LRBA: variants seen among roughly 807,000 people sequenced by gnomAD.
The protein encoded by LRBA is lipopolysaccharide-responsive and beige-like anchor protein.
LRBA carries 176 observed loss-of-function variants against 330.0 expected under a neutral mutation model. That is an observed-to-expected ratio of 0.53 (90% CI 0.47 to 0.60). The LOEUF is 0.60. Ranked by LOEUF, LRBA falls within the 20% of genes least tolerant of loss-of-function variation. The pLI is 0.00. For synonymous variants in LRBA, 1,230 were observed against 1,193.0 expected, an observed-to-expected ratio of 1.03 and a Z score of -0.64; for missense variants, 3,259 against 3,444.8, an observed-to-expected ratio of 0.95 and a Z score of 1.35.
intron 2 of LRBA, among the ~76,000 whole-genome samples, chr4:150,992,880 T>C (rs1205825335): frequency 6.6e-6 from 1 of 152,226 alleles, no homozygotes; most frequent in African/African-American, 2.4e-5. Context: ...TATTATGACT[T>C]ATCTACTTGA....
intron 37 of LRBA, among the ~76,000 whole-genome samples, chr4:150,601,541 A>T (rs910724451): frequency 2.0e-5 from 3 of 152,172 alleles, no homozygotes; most frequent in Non-Finnish European, 4.4e-5. Flanking sequence ...ACTAAAAAAA[A>T]TGGTCAAAAT....
At chr4:150,651,859 T>C (rs528166879) in intron 37 of LRBA, among the ~76,000 whole-genome samples, 10 of 152,204 alleles carry the variant, frequency 6.6e-5, no homozygotes, top group South Asian at 4.1e-4. Context: ...TCCCACCTGA[T>C]TGATGATTGA....
intron 46 of LRBA, among the ~76,000 whole-genome samples, chr4:150,434,879 G>A (rs561877667): frequency 1.8e-4 from 27 of 151,778 alleles, no homozygotes; most frequent in Non-Finnish European, 2.7e-4. Context: ...AAAAGAGTTC[G>A]GAATCCCATT....
chr4:150,866,427 T>C (rs1328038216), intron 22 of LRBA, among the ~76,000 whole-genome samples: 1 of 152,178 alleles, frequency 6.6e-6, no homozygotes, highest in Non-Finnish European at 1.5e-5. Context: ...CAGATCAAGA[T>C]TATGGTGATG....
Position 150,743,654 on chromosome 4 carries a change from G to A in LRBA, c.5646-8288C>T, listed in dbSNP as rs55768818. Among the ~76,000 whole-genome samples, 243 of 152,280 alleles carry A rather than the reference G, an allele frequency of 1.6e-3. 1 individual carries two copies. Among genetic ancestry groups the A allele is most frequent in the Admixed American group, 3.6e-3 (55 of 15,282 alleles). ...AGCACAACTAGGCCCATTTGTTTAA[G>A]TGTTATCCATGGCTGTTTTCAACTC... is the stretch of plus-strand genomic sequence containing the variant. On this transcript the variant is annotated intron_variant, in intron 35 of 56. Coordinates refer to ENST00000651943, the MANE Select transcript of LRBA (RefSeq NM_001364905.1).
At chr4:150,911,889 AT>A (rs1213999596) in intron 9 of LRBA, among the ~76,000 whole-genome samples, 1 of 152,004 alleles carries the variant, frequency 6.6e-6, no homozygotes, top group African/African-American at 2.4e-5. Context: ...GTCTTTTCGG[AT>A]TTTTTAAATT....
chr4:150,273,916 C>T (rs1746445205), intron 56 of LRBA, among the ~76,000 whole-genome samples: 1 of 152,130 alleles, frequency 6.6e-6, no homozygotes, highest in African/African-American at 2.4e-5. Flanking sequence ...AAAGCAACAA[C>T]AAGGATATTC....
At chr4:150,363,738 AT>A (rs1739048229) in intron 47 of LRBA, among the ~76,000 whole-genome samples, 1 of 152,216 alleles carries the variant, frequency 6.6e-6, no homozygotes, top group African/African-American at 2.4e-5. Flanking sequence ...CAGTCTTCCA[AT>A]TTTGTGATCA....
intron 17 of LRBA, among the ~76,000 whole-genome samples, chr4:150,891,825 A>T (rs1364955537): frequency 6.6e-6 from 1 of 152,254 alleles, no homozygotes; most frequent in Non-Finnish European, 1.5e-5. Context: ...GAGAATGAAC[A>T]TTAAAAAATA....
At chr4:150,472,864 A>G (rs1359675359) in intron 42 of LRBA, among the ~76,000 whole-genome samples, 1 of 152,182 alleles carries the variant, frequency 6.6e-6, no homozygotes, top group African/African-American at 2.4e-5. Flanking sequence ...CACTGTATAT[A>G]GAATACAGCA....
intron 40 of LRBA, among the ~76,000 whole-genome samples, chr4:150,520,129 AT>A (rs1762767945): frequency 6.6e-6 from 1 of 152,210 alleles, no homozygotes; most frequent in African/African-American, 2.4e-5. Flanking sequence ...TTGCCTAATC[AT>A]TTTGTTAATA....
intron 36 of LRBA, among the ~76,000 whole-genome samples, chr4:150,687,724 A>G (rs1191499755): frequency 2.0e-5 from 3 of 152,170 alleles, no homozygotes; most frequent in Non-Finnish European, 4.4e-5. Flanking sequence ...AAATGAATAG[A>G]GACAATATTT....
At chr4:150,518,340 G>C (rs1762577168) in intron 40 of LRBA, among the ~76,000 whole-genome samples, 1 of 152,158 alleles carries the variant, frequency 6.6e-6, no homozygotes, top group Admixed American at 6.5e-5. Context: ...ATGCTACTCA[G>C]AATGGTGCAC....
At chr4:150,489,042 ATATAT>A (rs1280656376) in intron 41 of LRBA, among the ~76,000 whole-genome samples, 9 of 111,892 alleles carry the variant, frequency 8.0e-5, no homozygotes, top group African/African-American at 2.9e-4. Context: ...ATTATATATA[ATATAT>A]TATATATAAG....
intron 9 of LRBA, among the ~76,000 whole-genome samples, chr4:150,909,696 T>G (rs1237597468): frequency 6.6e-6 from 1 of 152,228 alleles, no homozygotes. Flanking sequence ...GATTACTGGA[T>G]CACATGGAAG....
At chr4:150,429,290 T>A (rs1750055682) in intron 46 of LRBA, among the ~76,000 whole-genome samples, 1 of 151,866 alleles carries the variant, frequency 6.6e-6, no homozygotes, top group Non-Finnish European at 1.5e-5. Context: ...CTAAAACAAA[T>A]GCCTCAGGTG....
At chr4:150,976,990 T>C (rs1303866555) in intron 2 of LRBA, among the ~76,000 whole-genome samples, 2 of 152,178 alleles carry the variant, frequency 1.3e-5, no homozygotes, top group African/African-American at 4.8e-5. Context: ...CTCACCACCG[T>C]GGCTTAAAGT....
chr4:150,634,872 C>G (rs974968532), intron 37 of LRBA, among the ~76,000 whole-genome samples: 2 of 152,128 alleles, frequency 1.3e-5, no homozygotes, highest in African/African-American at 2.4e-5. Context: ...AGTCATAAGA[C>G]TCTAGAGGGT....
At chr4:150,549,974 T>C (rs1240966958) in intron 40 of LRBA, among the ~76,000 whole-genome samples, 2 of 152,186 alleles carry the variant, frequency 1.3e-5, no homozygotes, top group African/African-American at 4.8e-5. Flanking sequence ...AGGCCACACC[T>C]CTTAGGCTCT....
Sources: gnomAD v4.1 joint callset for allele counts (sites outside exome capture counted in the v4.1 genomes callset) on GRCh38, gnomAD v4.1.1 for gene constraint, MANE v1.5 for transcripts, NCBI Gene and HGNC (gene_info 2026-07-23, HGNC 2026-07-21) for gene names.